Variants in DGKE observed in about 807,000 individuals in gnomAD.
The protein encoded by DGKE is diacylglycerol kinase epsilon, also known as DAG kinase epsilon.
In DGKE, 53 loss-of-function variants were observed where a neutral mutation model predicts 70.0. The ratio of observed to expected loss-of-function variants is 0.76; its 90% confidence interval spans 0.61 to 0.95. DGKE has a LOEUF of 0.95. Ranked by LOEUF, DGKE falls within the 40% of genes least tolerant of loss-of-function variation. The probability of loss-of-function intolerance (pLI) is 0.00; values close to 1 mark genes in which losing one functional copy is unlikely to be tolerated. For missense variants in DGKE, 655 were observed against 706.9 expected (o/e 0.93, Z 0.83); for synonymous variants, 291 against 257.0 (o/e 1.13, Z -1.27).
chr17:56,844,236 G>C, intron 3 of DGKE, 58 bp downstream of exon 3: 1 of 1,174,082 alleles, frequency 8.5e-7, no homozygotes, highest in Admixed American at 3.2e-5. Flanking sequence ...TTAACTCATT[G>C]TTTGAGATAG....
At position 56,835,354 on chromosome 17, in the gene DGKE, G is replaced by T. The variant is rs1377999189; in HGVS notation, c.464+95G>T. On this transcript the variant is annotated intron_variant, in intron 2 of 11. Coordinates refer to ENST00000284061, the MANE Select transcript of DGKE (RefSeq NM_003647.3). ...GAGGCCTGCTTTAATCTCTGCTGAT[G>T]ACCTAAACTCATTTTGAGGAAACAA... 3.1e-6 allele frequency: 4 copies of T among 1,286,750 alleles called. No homozygotes were observed. The Admixed American group carries it at 1.0e-4, about 32-fold the overall frequency. The allele number at this position is 1,286,750 out of a possible 1,614,324, so 79.7% of individuals were successfully genotyped here.
At chr17:56,842,994 A>G (rs912820896) in intron 2 of DGKE, among the ~76,000 whole-genome samples, 1 of 152,244 alleles carries the variant, frequency 6.6e-6, no homozygotes, top group African/African-American at 2.4e-5. Flanking sequence ...TAACTGACAA[A>G]AAGAAATGCA....
chr17:56,852,608 T>A (rs8065342), intron 7 of DGKE, among the ~76,000 whole-genome samples: 76,315 of 145,586 alleles, frequency 0.52, 19,927 homozygotes, highest in East Asian at 0.89. Flanking sequence ...TGATTTATTT[T>A]AAAAAAAAAA....
chr17:56,855,078 C>T (rs768921547), intron 7 of DGKE, among the ~76,000 whole-genome samples: 3 of 151,720 alleles, frequency 2.0e-5, no homozygotes, highest in Non-Finnish European at 1.5e-5. Context: ...TATTGCCCCA[C>T]TCTTAGTTTC....
At chr17:56,847,857 AATC>A (rs1348438707) in intron 4 of DGKE, 62 bp from the exon 5 acceptor site, 10 of 1,231,902 alleles carry the variant, frequency 8.1e-6, no homozygotes, top group Admixed American at 4.8e-5. Flanking sequence ...TCTAGAGGGA[AATC>A]ATCATTACAG....
chr17:56,859,482 C>CG (rs1460082413), intron 9 of DGKE, among the ~76,000 whole-genome samples: 1 of 149,036 alleles, frequency 6.7e-6, no homozygotes, highest in Non-Finnish European at 1.5e-5. Flanking sequence ...TGCAGTGGTG[C>CG]GATCTCCGCT....
rs1908483323 is a variant in DGKE at position 56,865,195 on chromosome 17, G to A, written c.*2404G>A. On this transcript the variant is annotated 3_prime_UTR_variant, in exon 12 of 12. Coordinates refer to ENST00000284061, the MANE Select transcript of DGKE (RefSeq NM_003647.3). ...TGTTTGCAAGTTACATATTAGGGTA[G>A]TGATTGTTTATATTACCAGGGATTC... The A allele has an allele frequency of 6.6e-6, 1 of 152,102 alleles. No homozygotes were observed. The highest frequency in any genetic ancestry group is 2.1e-4 in the South Asian group (1 of 4,822). The allele number at this position is 152,102 out of a possible 1,614,324, so 9.4% of individuals were successfully genotyped here. A position where few individuals can be genotyped will look rare whatever the true frequency, so the allele number is the denominator to read the frequency against.
rs1419254406 is a variant in DGKE, at chr17:56,861,794, G to T, written c.1288G>T (p.Glu430Ter). The T allele has an allele frequency of 6.2e-7, 1 of 1,612,440 alleles. No individual in the cohort carries two copies. The highest frequency in any genetic ancestry group is 2.2e-5 in the East Asian group (1 of 44,868). ...ATCTATTTGTATTTCTTTAAAGCTA[G>T]AACTGGATGGTGAGCGAGTAGCACT... ...CKDLNKKVEL[E>*]LDGERVALPS... is the part of the protein sequence containing the mutation. Residue 430 changes from glutamate to a stop codon, truncating the protein, a stop_gained, in exon 10 of 12, where the codon GAA (glutamate) becomes TAA (stop). Coordinates refer to ENST00000284061, the MANE Select transcript of DGKE (RefSeq NM_003647.3). LOFTEE classifies it high-confidence loss of function.
In DGKE at chr17:56,867,380, A is replaced by C. The variant is rs1227147712; in HGVS notation, c.*4589A>C. 6.6e-6 allele frequency: 1 copy of C among 152,094 alleles called. No individual in the cohort carries two copies. The highest frequency in any genetic ancestry group is 1.5e-5 in the Non-Finnish European group (1 of 68,040). The allele number at this position is 152,094 out of a possible 1,614,324, so 9.4% of individuals were successfully genotyped here. On this transcript the variant is annotated 3_prime_UTR_variant, in exon 12 of 12. Coordinates refer to ENST00000284061, the MANE Select transcript of DGKE (RefSeq NM_003647.3). ...CTTGGGGGGCTAAGGGAGGCGTATCACCTGAGGTCAGGAGTTTGAGACAAG... is the reference window on the plus strand; with the variant it reads ...CTTGGGGGGCTAAGGGAGGCGTATCCCCTGAGGTCAGGAGTTTGAGACAAG...
intron 7 of DGKE, among the ~76,000 whole-genome samples, chr17:56,852,463 T>C (rs919054779): frequency 6.0e-5 from 9 of 151,246 alleles, no homozygotes; most frequent in African/African-American, 1.9e-4. Context: ...TTTAGAAATA[T>C]AGAGATAAAT....
intron 2 of DGKE, chr17:56,836,017 C>A (rs985979586): frequency 6.6e-6 from 1 of 152,180 alleles, no homozygotes; most frequent in Non-Finnish European, 1.5e-5. Context: ...AAAATTAAAG[C>A]CCGTTAGGTC....
Position 56,848,027 on chromosome 17 carries a change from G to A in DGKE, c.850G>A (p.Gly284Arg). 6.3e-7 allele frequency: 1 copy of A among 1,599,576 alleles called. No individual in the cohort carries two copies. Among genetic ancestry groups the A allele is most frequent in the Non-Finnish European group, 8.5e-7 (1 of 1,172,644 alleles). The change falls in exon 5 of 12, where the codon GGG (glycine) becomes AGG (arginine). Residue 284 changes from glycine to arginine, a missense_variant. Physicochemically the swap from Gly to Arg is moderately radical, Grantham distance 125 (BLOSUM62 -2). Transcript: ENST00000284061. ...VLVCGGDGTV[G>R]WVLDAVDDMK... is the part of the protein sequence containing the mutation. ...TGTTTGTGGAGGGGATGGGACTGTA[G>A]GGTGGGTCCTGGATGCAGTTGATGA...
chr17:56,847,243 G>A (rs774333745), intron 4 of DGKE: 1 of 150,574 alleles, frequency 6.6e-6, no homozygotes, highest in Non-Finnish European at 1.5e-5. Flanking sequence ...TTTTAAGCCA[G>A]TATAAGATAT....
In DGKE at chr17:56,866,555, T is replaced by C. The variant is rs1456776905; in HGVS notation, c.*3764T>C. On this transcript the variant is annotated 3_prime_UTR_variant, in exon 12 of 12. Coordinates refer to ENST00000284061, the MANE Select transcript of DGKE (RefSeq NM_003647.3). ...CTAAAAGAACTCTATGAAAAACTTA[T>C]TTGTATCATACCCAAATTGATATAT... 6 of 152,384 alleles carry C rather than the reference T, an allele frequency of 3.9e-5. No individual in the cohort carries two copies. Among genetic ancestry groups the C allele is most frequent in the Admixed American group, 2.0e-4 (3 of 15,304 alleles). 9.4% of individuals were successfully genotyped at this position (152,384 alleles called of 1,614,324 possible).
chr17:56,861,575 C>T (rs1908294632), intron 9 of DGKE, among the ~76,000 whole-genome samples: 1 of 151,984 alleles, frequency 6.6e-6, no homozygotes, highest in African/African-American at 2.4e-5. Flanking sequence ...TCACGAGGCT[C>T]AACAAAAAGA....
At chr17:56,843,495 C>T (rs146344482) in intron 2 of DGKE, among the ~76,000 whole-genome samples, 16 of 152,128 alleles carry the variant, frequency 1.1e-4, no homozygotes, top group African/African-American at 3.4e-4. Context: ...TTGGGGCCCA[C>T]ATTTTAAGAA....
At chr17:56,845,118 T>TA (rs540848407) in intron 3 of DGKE, among the ~76,000 whole-genome samples, 1 of 152,168 alleles carries the variant, frequency 6.6e-6, no homozygotes. Context: ...CATTAATGGT[T>TA]ACATCTACAA....
At chr17:56,844,466 G>T (rs1907171933) in intron 3 of DGKE, among the ~76,000 whole-genome samples, 2 of 152,168 alleles carry the variant, frequency 1.3e-5, no homozygotes, top group South Asian at 4.1e-4. Flanking sequence ...GCATCTGAAT[G>T]ATTTAGGGAG....
At position 56,864,742 on chromosome 17, in the gene DGKE, C is replaced by T. The variant is rs1029869668; in HGVS notation, c.*1951C>T. Reference sequence around the variant, plus strand: ...GTTATAGTTTACCTGTTATATAATTCGTAGTGCTAATTGTAGTAGAAGCAA... The same window carrying T: ...GTTATAGTTTACCTGTTATATAATTTGTAGTGCTAATTGTAGTAGAAGCAA... On this transcript the variant is annotated 3_prime_UTR_variant, in exon 12 of 12. Transcript: ENST00000284061. The T allele has an allele frequency of 2.0e-5, 3 of 151,890 alleles. No individual in the cohort carries two copies. The highest frequency in any genetic ancestry group is 7.3e-5 in the African/African-American group (3 of 41,326). The allele number at this position is 151,890 out of a possible 1,614,324, so 9.4% of individuals were successfully genotyped here. A position where few individuals can be genotyped will look rare whatever the true frequency, so the allele number is the denominator to read the frequency against.
Sources: gnomAD v4.1 joint callset for allele counts (sites outside exome capture counted in the v4.1 genomes callset) on GRCh38, gnomAD v4.1.1 for gene constraint, MANE v1.5 for transcripts, NCBI Gene and HGNC (gene_info 2026-07-23, HGNC 2026-07-21) for gene names.